PSTPIP1: variants seen among roughly 807,000 people sequenced by gnomAD.
The protein encoded by PSTPIP1 is proline-serine-threonine phosphatase-interacting protein 1.
Under a neutral mutation model 69.6 loss-of-function variants are expected in PSTPIP1, and 66 were observed. The ratio of observed to expected loss-of-function variants is 0.95; its 90% CI spans 0.78 to 1.16. PSTPIP1 has a LOEUF of 1.16. Ranked by LOEUF, PSTPIP1 falls within the 50% of genes most tolerant of loss-of-function variation. The probability of loss-of-function intolerance (pLI) is 0.00; values close to 1 mark genes in which losing one functional copy is unlikely to be tolerated. For missense variants in PSTPIP1, 603 were observed against 557.4 expected (o/e 1.08, Z -0.82); for synonymous variants, 266 against 222.7 (o/e 1.19, Z -1.73).
At chr15:77,018,802 C>G (rs1035358006) in intron 3 of PSTPIP1, among the ~76,000 whole-genome samples, 1 of 152,196 alleles carries the variant, frequency 6.6e-6, no homozygotes, top group Non-Finnish European at 1.5e-5. Flanking sequence ...CTGCACCAGC[C>G]TGGGTGGCCT....
chr15:77,031,584 C>T, intron 10 of PSTPIP1: 1 of 303,660 alleles, frequency 3.3e-6, no homozygotes, highest in Non-Finnish European at 6.4e-6. Flanking sequence ...GAGGTGGACA[C>T]AGCTGTCAGA....
chr15:77,037,475 G>C lies in PSTPIP1; in HGVS notation c.*299G>C, dbSNP rs1381274233. ...AGGCTTCAGCTATAGTTGGAGAAGA[G>C]GCCTGGCCCCAGTTGCTAGGAGCTC... On this transcript the variant is annotated 3_prime_UTR_variant, in exon 15 of 15. Transcript: ENST00000558012. The C allele has an allele frequency of 3.2e-6, 1 of 310,670 alleles. No individual in the cohort carries two copies. Among genetic ancestry groups the C allele is most frequent in the South Asian group, 3.6e-5 (1 of 27,828 alleles). The allele number at this position is 310,670 out of a possible 1,614,324, so 19.2% of individuals were successfully genotyped here.
At chr15:77,022,897 C>A (rs944891891) in intron 3 of PSTPIP1, among the ~76,000 whole-genome samples, 4 of 152,180 alleles carry the variant, frequency 2.6e-5, no homozygotes, top group African/African-American at 4.8e-5. Flanking sequence ...AGAGGTAGCA[C>A]CAGTATCTAT....
chr15:77,007,889 C>A (rs550315228), intron 1 of PSTPIP1: 2 of 455,960 alleles, frequency 4.4e-6, no homozygotes, highest in Non-Finnish European at 8.8e-6. Flanking sequence ...CCACCGCGCC[C>A]GACTGGCAAT....
At chr15:77,014,548 C>T (rs1471202057) in intron 1 of PSTPIP1, among the ~76,000 whole-genome samples, 2 of 152,236 alleles carry the variant, frequency 1.3e-5, no homozygotes, top group Admixed American at 6.5e-5. Context: ...CCTGCCCCCA[C>T]TTTCCCAATG....
intron 1 of PSTPIP1, among the ~76,000 whole-genome samples, chr15:77,014,653 G>A (rs2076014047): frequency 6.6e-6 from 1 of 152,236 alleles, no homozygotes; most frequent in South Asian, 2.1e-4. Flanking sequence ...GGCGTGAAAA[G>A]GGGGAAGTGG....
rs747711304 is a variant in PSTPIP1 at position 77,035,607 on chromosome 15, G to C, written c.985+44G>C. The C allele has an allele frequency of 9.7e-6, 15 of 1,544,966 alleles. No individual in the cohort carries two copies. In the South Asian group the frequency reaches 1.4e-4, roughly 15 times the overall value. ...GGACCCCCAAACACACTGATCCTGG[G>C]GGGGAGGAGAGGTCTCCCACATGGC... On this transcript the variant is annotated intron_variant, in intron 13 of 14. Coordinates refer to ENST00000558012, the MANE Select transcript of PSTPIP1 (RefSeq NM_003978.5).
At chr15:77,013,971 C>A (rs932892493) in intron 1 of PSTPIP1, among the ~76,000 whole-genome samples, 1 of 152,166 alleles carries the variant, frequency 6.6e-6, no homozygotes, top group Non-Finnish European at 1.5e-5. Flanking sequence ...TCCAGCCTGG[C>A]CCCAGCTGAG....
chr15:77,026,518 CT>C (rs1344984420), intron 5 of PSTPIP1, among the ~76,000 whole-genome samples: 1 of 152,272 alleles, frequency 6.6e-6, no homozygotes, highest in Non-Finnish European at 1.5e-5. Flanking sequence ...CTTCCCATCT[CT>C]GTGCCTCAGT....
At chr15:77,035,392 C>G (rs2076534697) in intron 12 of PSTPIP1, 116 bp from the exon 13 acceptor site, 1 of 1,137,236 alleles carries the variant, frequency 8.8e-7, no homozygotes, top group Non-Finnish European at 1.3e-6. Context: ...TAGGGGCAGT[C>G]CCAGCCCTGG....
At chr15:76,995,123 C>A, upstream of PSTPIP1, 1 of 1,179,050 alleles carries the variant, frequency 8.5e-7, no homozygotes, top group South Asian at 1.6e-5. Flanking sequence ...GGGGAGGTTG[C>A]ACAAACCTTC....
chr15:77,022,892 T>G (rs549757695), intron 3 of PSTPIP1, among the ~76,000 whole-genome samples: 14 of 152,208 alleles, frequency 9.2e-5, no homozygotes, highest in African/African-American at 3.4e-4. Flanking sequence ...CAGACAGAGG[T>G]AGCACCAGTA....
chr15:77,027,093 G>A lies in PSTPIP1; in HGVS notation c.355-759G>A, dbSNP rs1008954771. 6.6e-6 allele frequency among the ~76,000 whole-genome samples: 1 copy of A among 152,230 alleles called. No individual in the cohort carries two copies. The highest frequency in any genetic ancestry group is 2.4e-5 in the African/African-American group (1 of 41,462). On this transcript the variant is annotated intron_variant, in intron 5 of 14. Transcript: ENST00000558012. This position sits in a 1 kb window ranked among gnomAD's most constrained non-coding sequence, Gnocchi z 4.3. ...GCCTGTGAGCATGTGTCCTTGTCCA[G>A]CCCTGTGCACTTGGGTGTTTTGTGC...
intron 8 of PSTPIP1, 72 bp downstream of exon 8, chr15:77,029,646 C>A: frequency 6.9e-7 from 1 of 1,442,896 alleles, no homozygotes; most frequent in Non-Finnish European, 9.5e-7. Context: ...CACCTCCTCA[C>A]CCTGGGGACA....
chr15:77,021,742 G>A (rs2076165878), intron 3 of PSTPIP1, among the ~76,000 whole-genome samples: 1 of 152,176 alleles, frequency 6.6e-6, no homozygotes. Context: ...CACATGTCCA[G>A]CCCTGCAGAG....
chr15:77,031,045 C>T (rs2152687998), intron 9 of PSTPIP1, 135 bp from the exon 10 acceptor site: 1 of 816,802 alleles, frequency 1.2e-6, no homozygotes, highest in South Asian at 1.6e-5. Context: ...GACCCCAGGG[C>T]ACTCTCTCCT....
At chr15:77,018,328 C>G (rs916004143) in intron 2 of PSTPIP1, 80 bp downstream of exon 2, 1 of 1,531,634 alleles carries the variant, frequency 6.5e-7, no homozygotes, top group Non-Finnish European at 8.8e-7. Context: ...GTGGACGAGG[C>G]CCCCATCCCA....
intron 5 of PSTPIP1, chr15:77,026,078 T>C (rs2076274149): frequency 2.2e-6 from 1 of 456,600 alleles, no homozygotes; most frequent in South Asian, 1.5e-5. Flanking sequence ...TTGTATGGCA[T>C]TGCTTAGCAT....
At chr15:77,020,870 G>T (rs77511922) in intron 3 of PSTPIP1, among the ~76,000 whole-genome samples, 12 of 15,162 alleles carry the variant, frequency 7.9e-4, no homozygotes, top group African/African-American at 1.2e-3. Flanking sequence ...GACTCCTGTG[G>T]GGGGGGGGGG....
Sources: allele counts gnomAD v4.1 joint callset (sites outside exome capture counted in the v4.1 genomes callset), GRCh38; gene constraint gnomAD v4.1.1; non-coding constraint Gnocchi (gnomAD v3.1); transcripts MANE v1.5; gene names NCBI Gene and HGNC (gene_info 2026-07-23, HGNC 2026-07-21).